PNLDC1: variants seen among roughly 807,000 people sequenced by gnomAD.
The protein encoded by PNLDC1 is PARN like ribonuclease domain containing exonuclease 1, also known as poly(A)-specific ribonuclease PNLDC1.
Under a neutral mutation model 82.0 loss-of-function variants are expected in PNLDC1, and 70 were observed. The observed-to-expected ratio is 0.85, with a 90% confidence interval of 0.70 to 1.04. The LOEUF is 1.04. Ranked by LOEUF, PNLDC1 falls within the 50% of genes least tolerant of loss-of-function variation. The probability of loss-of-function intolerance (pLI) is 0.00; values close to 1 mark genes in which losing one functional copy is unlikely to be tolerated. For missense variants in PNLDC1, 631 were observed against 661.1 expected (o/e 0.95, Z 0.50); for synonymous variants, 280 against 249.3 (o/e 1.12, Z -1.16).
chr6:159,804,647 G>A lies in PNLDC1; in HGVS notation c.461+10G>A. On this transcript the variant is annotated intron_variant, in intron 6 of 18. Coordinates refer to ENST00000392167, the MANE Select transcript of PNLDC1 (RefSeq NM_001271862.2). ...ACTGGAGAGTTCGCAGGTATGGCCT[G>A]TTTCTCCAGGTGCCTTTTTGTTTCC... 1 of 1,575,336 alleles carries A rather than the reference G, an allele frequency of 6.3e-7. No individual in the cohort carries two copies. Among genetic ancestry groups the A allele is most frequent in the Admixed American group, 1.7e-5 (1 of 58,684 alleles).
rs368016694 is a variant in PNLDC1 at position 159,801,088 on chromosome 6, G to A, written c.135-25G>A. The A allele has an allele frequency of 2.0e-5, 33 of 1,612,708 alleles. No individual in the cohort carries two copies. In the African/African-American group the frequency reaches 4.3e-4, roughly 21 times the overall value. On this transcript the variant is annotated intron_variant, in intron 2 of 18. Transcript: ENST00000392167. The stretch of plus-strand genomic sequence containing the variant: ...CCGGGATGGGATGTCATTGCTCGTG[G>A]AATGAGATGCCTGTTTGTTCACAGT...
At chr6:159,800,432 G>A (rs759000921) in intron 1 of PNLDC1, 49 bp downstream of exon 1, 6 of 1,523,878 alleles carry the variant, frequency 3.9e-6, no homozygotes, top group Non-Finnish European at 5.3e-6. Flanking sequence ...CCCTTGCCCC[G>A]GGCGAGCTTG....
At chr6:159,806,143 A>T in intron 7 of PNLDC1, 60 bp downstream of exon 7, 1 of 1,324,448 alleles carries the variant, frequency 7.6e-7, no homozygotes, top group Non-Finnish European at 1.1e-6. Context: ...GTCACCTGCC[A>T]GGAGTTGGGG....
intron 18 of PNLDC1, 23 bp from the exon 19 acceptor site, chr6:159,820,431 T>C (rs752247682): frequency 1.2e-6 from 2 of 1,613,740 alleles, no homozygotes; most frequent in Non-Finnish European, 1.7e-6. Flanking sequence ...CCCCGGCCAC[T>C]GACACGTGTC....
chr6:159,818,525 C>A, intron 15 of PNLDC1, 30 bp from the exon 16 acceptor site: 1 of 1,596,304 alleles, frequency 6.3e-7, no homozygotes, highest in Non-Finnish European at 8.6e-7. Flanking sequence ...TCTGTGCGCC[C>A]GACAGCTTTG....
chr6:159,802,155 C>T (rs1781283645), intron 3 of PNLDC1, among the ~76,000 whole-genome samples: 1 of 152,250 alleles, frequency 6.6e-6, no homozygotes, highest in Non-Finnish European at 1.5e-5. Context: ...TACAGCTACT[C>T]AATCCTGCTT....
chr6:159,803,868 C>T (rs1352788896), intron 4 of PNLDC1, 97 bp from the exon 5 acceptor site: 19 of 1,339,976 alleles, frequency 1.4e-5, no homozygotes, highest in Non-Finnish European at 1.9e-5. Flanking sequence ...TCAGATTCTT[C>T]TTGCCTAAAA....
chr6:159,816,117 C>CCCACACCCCTACCCACCCACCCG, intron 13 of PNLDC1, 84 bp downstream of exon 13: 1 of 1,028,542 alleles, frequency 9.7e-7, no homozygotes, highest in South Asian at 1.5e-5. Context: ...CCCTGGTTCC[C>CCCACACCCCTACCCACCCACCCG]CCACACCCCT....
rs972446042 is a variant in PNLDC1, at chr6:159,813,717, G to A, written c.995+61G>A. The stretch of plus-strand genomic sequence containing the variant: ...GGCCTTGGTGGCCTCCCTGTGCTCC[G>A]CAGGCCTTTGGGCTCTCTAGGCGTG... On this transcript the variant is annotated intron_variant, in intron 12 of 18. Transcript: ENST00000392167. The A allele has an allele frequency of 4.5e-5, 66 of 1,479,976 alleles. No homozygotes were observed. The Admixed American group carries it at 6.0e-4, about 14-fold the overall frequency. The allele number at this position is 1,479,976 out of a possible 1,614,324, so 91.7% of individuals were successfully genotyped here. A position where few individuals can be genotyped will look rare whatever the true frequency, so the allele number is the denominator to read the frequency against.
intron 15 of PNLDC1, 40 bp from the exon 16 acceptor site, chr6:159,818,512 ACTT>A: frequency 6.4e-7 from 1 of 1,561,320 alleles, no homozygotes; most frequent in African/African-American, 1.4e-5. Context: ...AAGTGGATGA[ACTT>A]CTGTGCGCCC....
chr6:159,808,643 C>A, intron 7 of PNLDC1, 97 bp from the exon 8 acceptor site: 1 of 1,166,772 alleles, frequency 8.6e-7, no homozygotes, highest in Non-Finnish European at 1.2e-6. Flanking sequence ...TTCCACTTGA[C>A]CTTTCCATCT....
In PNLDC1 at chr6:159,818,610, T is replaced by TACGTGAACC; in HGVS notation, c.1215_1223dup (p.Asn407_Gln408insHisValAsn). 6.2e-7 allele frequency: 1 copy of TACGTGAACC among 1,613,910 alleles called. No individual in the cohort carries two copies. Among genetic ancestry groups the TACGTGAACC allele is most frequent in the Non-Finnish European group, 8.5e-7 (1 of 1,180,030 alleles). ...TCAGTACCTTGACGTGCTGGCTCCT[T>TACGTGAACC]ACGTGAACCAAGTGAACCTCATCCG... On this transcript the variant is annotated inframe_insertion, in exon 16 of 19. Transcript: ENST00000392167.
chr6:159,819,608 G>A lies in PNLDC1; in HGVS notation c.1532+256G>A, dbSNP rs565750849. ...AAATCCCTGCTCTCGTGGAGCTCAC[G>A]TGCTGGGGGAGACAAACAGGATAAA... On this transcript the variant is annotated intron_variant, in intron 18 of 18. Transcript: ENST00000392167. This position sits in a 1 kb window ranked among gnomAD's most constrained non-coding sequence, Gnocchi z 4.6. Among the ~76,000 whole-genome samples the A allele has an allele frequency of 2.0e-4, 30 of 152,350 alleles. No homozygotes were observed. Among genetic ancestry groups the A allele is most frequent in the African/African-American group, 6.0e-4 (25 of 41,592 alleles).
chr6:159,804,697 G>A (rs1051111171), intron 6 of PNLDC1, 60 bp downstream of exon 6: 42 of 1,295,256 alleles, frequency 3.2e-5, no homozygotes, highest in Non-Finnish European at 4.2e-5. Context: ...TGCATTTCCC[G>A]TGGGCGGGCG....
intron 12 of PNLDC1, among the ~76,000 whole-genome samples, chr6:159,814,481 T>G (rs1781750800): frequency 6.6e-6 from 1 of 152,158 alleles, no homozygotes; most frequent in Admixed American, 6.5e-5. Flanking sequence ...TCTAGGACAC[T>G]GCGTTTACCA....
At chr6:159,809,312 C>T (rs1750275991) in intron 9 of PNLDC1, among the ~76,000 whole-genome samples, 154 bp downstream of exon 9, 1 of 152,156 alleles carries the variant, frequency 6.6e-6, no homozygotes. Context: ...GATAGGGTCT[C>T]ACCTGTCACC....
Position 159,808,945 on chromosome 6 carries a change from A to G in PNLDC1, c.640-70A>G. 10 of 1,592,978 alleles carry G rather than the reference A, an allele frequency of 6.3e-6. No homozygotes were observed. In the South Asian group the frequency reaches 8.9e-5, roughly 14 times the overall value. On this transcript the variant is annotated intron_variant, in intron 8 of 18. Transcript: ENST00000392167. ...TTTCCCCCTTTCCTTTTGTTTAGAG[A>G]TGCAGAGCCATTTCTTTAGGCCTCA...
At chr6:159,808,619 C>T in intron 7 of PNLDC1, 121 bp from the exon 8 acceptor site, 2 of 890,972 alleles carry the variant, frequency 2.2e-6, no homozygotes. Context: ...GCTTGGGCAC[C>T]CTTCAAGCTC....
Position 159,804,568 on chromosome 6 carries a change from C to T in PNLDC1, c.392C>T (p.Pro131Leu), listed in dbSNP as rs754947596. 2 of 1,605,430 alleles carry T rather than the reference C, an allele frequency of 1.2e-6. No homozygotes were observed. The highest frequency in any genetic ancestry group is 1.1e-5 in the South Asian group (1 of 90,840). Reference protein sequence around the residue: ...NYNKFLKNGIPYMNEEQEKKI... With the variant: ...NYNKFLKNGILYMNEEQEKKI... ...CTTAAGTTTCTCAAAAACGGAATCC[C>T]ATATATGAATGAAGAACAGGAGAAG... The change falls in exon 6 of 19, where the codon CCA (proline) becomes CTA (leucine). Residue 131 changes from proline (P) to leucine (L), a missense_variant. Coordinates refer to ENST00000392167, the MANE Select transcript of PNLDC1 (RefSeq NM_001271862.2).
Sources: gnomAD v4.1 joint callset for allele counts (sites outside exome capture counted in the v4.1 genomes callset) on GRCh38, gnomAD v4.1.1 for gene constraint, Gnocchi (gnomAD v3.1) non-coding constraint, MANE v1.5 for transcripts, NCBI Gene and HGNC (gene_info 2026-07-23, HGNC 2026-07-21) for gene names.